The following DACT3 variants were observed in gnomAD, a reference collection of about 807,000 sequenced individuals.
The protein encoded by DACT3 is dishevelled binding antagonist of beta catenin 3.
In DACT3, 5 loss-of-function variants were observed where a neutral mutation model predicts 19.6. The ratio of observed to expected loss-of-function variants is 0.26; its 90% CI spans 0.13 to 0.54. The LOEUF (loss-of-function observed/expected upper bound fraction) is 0.54, where lower values mean the gene tolerates loss of function less well. DACT3 is among the 20% of genes least tolerant of loss of function. The pLI is 0.95. For missense variants in DACT3, 908 were observed against 927.4 expected (o/e 0.98, Z 0.27); for synonymous variants, 454 against 428.1 (o/e 1.06, Z -0.75).
chr19:46,660,277 G>A lies in DACT3; in HGVS notation c.249+539C>T, dbSNP rs1238405493. On this transcript the variant is annotated intron_variant, in intron 1 of 3. Coordinates refer to ENST00000391916, the MANE Select transcript of DACT3 (RefSeq NM_145056.3). This position sits in a 1 kb window ranked among gnomAD's most constrained non-coding sequence, Gnocchi z 4.9. Reference sequence around the variant, plus strand: ...CTCAGCAGTGGTCCCTCCCTCTGGAGGCCCTGAGATTCCCCTCCTCCCACC... The same window carrying A: ...CTCAGCAGTGGTCCCTCCCTCTGGAAGCCCTGAGATTCCCCTCCTCCCACC... The A allele has an allele frequency of 6.5e-6, 1 of 152,800 alleles. No individual in the cohort carries two copies. Among genetic ancestry groups the A allele is most frequent in the Middle Eastern group, 3.3e-3 (1 of 302 alleles). 9.5% of individuals were successfully genotyped at this position (152,800 alleles called of 1,614,324 possible). A position where few individuals can be genotyped will look rare whatever the true frequency, so the allele number is the denominator to read the frequency against.
At chr19:46,654,191 A>AT (rs879752796) in intron 1 of DACT3, 8 of 985,112 alleles carry the variant, frequency 8.1e-6, no homozygotes, top group Non-Finnish European at 9.6e-6. Context: ...GCCATGAGAA[A>AT]TTTCGGGGAG....
Position 46,649,176 on chromosome 19 carries a change from G to A in DACT3, c.1196C>T (p.Ala399Val). The change falls in exon 4 of 4, where the codon GCC becomes GTC. Residue 399 changes from alanine (A) to valine (V), a missense_variant. This residue lies in a region of DACT3 where 656 missense variants were observed against 601.8 expected (regional missense o/e 1.09). Coordinates refer to ENST00000391916, the MANE Select transcript of DACT3 (RefSeq NM_145056.3). ...EQSPPRERPR[A>V]AGRRGRMAEA... ...GGCCATGCGTCCACGGCGGCCGGCG[G>A]CCCGGGGACGCTCCCGGGGTGGTGA... 2 of 1,214,548 alleles carry A rather than the reference G, an allele frequency of 1.6e-6. No individual in the cohort carries two copies. The highest frequency in any genetic ancestry group is 3.3e-5 in the South Asian group (1 of 30,578). The allele number at this position is 1,214,548 out of a possible 1,614,324, so 75.2% of individuals were successfully genotyped here. A position where few individuals can be genotyped will look rare whatever the true frequency, so the allele number is the denominator to read the frequency against.
rs1402179039 is a variant in DACT3, at chr19:46,648,317, G to C, written c.*165C>G. 1.7e-6 allele frequency: 2 copies of C among 1,182,152 alleles called. No homozygotes were observed. The highest frequency in any genetic ancestry group is 2.4e-6 in the Non-Finnish European group (2 of 841,496). 73.2% of individuals were successfully genotyped at this position (1,182,152 alleles called of 1,614,324 possible). A position where few individuals can be genotyped will look rare whatever the true frequency, so the allele number is the denominator to read the frequency against. ...CTCCTCCCCATTCCTCTCGGTGGTGGTGGGGGAGCCTTTTCAACCAAGACT... is the reference window on the plus strand; with the variant it reads ...CTCCTCCCCATTCCTCTCGGTGGTGCTGGGGGAGCCTTTTCAACCAAGACT... On this transcript the variant is annotated 3_prime_UTR_variant, in exon 4 of 4. Coordinates refer to ENST00000391916, the MANE Select transcript of DACT3 (RefSeq NM_145056.3). The surrounding 1 kb of genome is among the most constrained non-coding windows in gnomAD (Gnocchi z 5.1).
chr19:46,661,117 G>A lies in DACT3; in HGVS notation c.-53C>T. On this transcript the variant is annotated 5_prime_UTR_variant, in exon 1 of 4. Transcript: ENST00000391916. ...CGGGCCCCGCGGCCACCCCTCTCCC[G>A]GTCCCACCTCCCCGCCCCAGCAGCC... The A allele has an allele frequency of 1.5e-6, 2 of 1,323,884 alleles. No homozygotes were observed. The highest frequency in any genetic ancestry group is 3.3e-5 in the East Asian group (1 of 30,518). The allele number at this position is 1,323,884 out of a possible 1,614,324, so 82.0% of individuals were successfully genotyped here.
chr19:46,654,294 T>C, intron 1 of DACT3: 1 of 774,742 alleles, frequency 1.3e-6, no homozygotes, highest in Non-Finnish European at 1.6e-6. Flanking sequence ...GGAACCAGCC[T>C]GGCCAATATG....
chr19:46,657,812 G>A (rs1311515366), intron 1 of DACT3, among the ~76,000 whole-genome samples: 2 of 152,068 alleles, frequency 1.3e-5, no homozygotes, highest in African/African-American at 4.8e-5. Flanking sequence ...ACAACTTTGG[G>A]AGACCGAGGC....
intron 1 of DACT3, among the ~76,000 whole-genome samples, chr19:46,656,543 T>C (rs2053035699): frequency 6.6e-6 from 1 of 151,924 alleles, no homozygotes; most frequent in South Asian, 2.1e-4. Flanking sequence ...AGAGACAGGG[T>C]CTCCCTGTGT....
chr19:46,660,711 C>G lies in DACT3; in HGVS notation c.249+105G>C. On this transcript the variant is annotated intron_variant, in intron 1 of 3. Transcript: ENST00000391916. This position sits in a 1 kb window ranked among gnomAD's most constrained non-coding sequence, Gnocchi z 4.9. ...GCCCCACCCCCTGTCCTTTCTCACT[C>G]CCTGCCTACCCGGGTCCCCAACCCC... 1 of 1,399,520 alleles carries G rather than the reference C, an allele frequency of 7.1e-7. No homozygotes were observed. The highest frequency in any genetic ancestry group is 1.6e-5 in the South Asian group (1 of 64,298). The allele number at this position is 1,399,520 out of a possible 1,614,324, so 86.7% of individuals were successfully genotyped here.
At position 46,649,641 on chromosome 19, in the gene DACT3, C is replaced by T. The variant is rs993784779; in HGVS notation, c.731G>A (p.Gly244Asp). ...RPPTDSPDAG[G>D]AGRPLDGYIS... is the part of the protein sequence containing the mutation. Reference sequence around the variant, plus strand: ...GTAGCCGTCCAGGGGCCGCCCTGCGCCCCCCGCGTCGGGCGAGTCGGTGGG... The same window carrying T: ...GTAGCCGTCCAGGGGCCGCCCTGCGTCCCCCGCGTCGGGCGAGTCGGTGGG... The change falls in exon 4 of 4, where the codon GGC (glycine) becomes GAC (aspartate). Residue 244 changes from glycine to aspartate, a missense_variant. Gly to Asp is a moderately conservative substitution (Grantham distance 94). Around this residue, in one of 2 missense-constraint regions of DACT3, gnomAD observed 656 missense variants for 601.8 expected, o/e 1.09. Coordinates refer to ENST00000391916, the MANE Select transcript of DACT3 (RefSeq NM_145056.3). The T allele has an allele frequency of 8.7e-7, 1 of 1,145,170 alleles. No homozygotes were observed. The highest frequency in any genetic ancestry group is 1.1e-6 in the Non-Finnish European group (1 of 934,438). 70.9% of individuals were successfully genotyped at this position (1,145,170 alleles called of 1,614,324 possible).
Position 46,647,761 on chromosome 19 carries a change from A to T in DACT3, c.*721T>A, listed in dbSNP as rs1310345153. On this transcript the variant is annotated 3_prime_UTR_variant, in exon 4 of 4. Transcript: ENST00000391916. The stretch of plus-strand genomic sequence containing the variant: ...TAGATTGGAACAGCTGAGGGTCATC[A>T]GGCTTCCCCCATTCCCTCTCACAGG... 6.6e-6 allele frequency: 1 copy of T among 152,586 alleles called. No homozygotes were observed. The highest frequency in any genetic ancestry group is 6.5e-5 in the Admixed American group (1 of 15,276). The allele number at this position is 152,586 out of a possible 1,614,324, so 9.5% of individuals were successfully genotyped here.
rs1241345092 is a variant in DACT3, at chr19:46,660,128, C to A, written c.249+688G>T. ...AACACCCAGAGTCCAGAAGTCTCCC[C>A]CAGGCGCTGCCTCGACCTGCCTCCC... On this transcript the variant is annotated intron_variant, in intron 1 of 3. Coordinates refer to ENST00000391916, the MANE Select transcript of DACT3 (RefSeq NM_145056.3). The surrounding 1 kb of genome is among the most constrained non-coding windows in gnomAD (Gnocchi z 4.9). Among the ~76,000 whole-genome samples the A allele has an allele frequency of 6.6e-6, 1 of 152,190 alleles. No individual in the cohort carries two copies. Among genetic ancestry groups the A allele is most frequent in the Non-Finnish European group, 1.5e-5 (1 of 68,022 alleles).
chr19:46,659,593 A>C, intron 1 of DACT3: 1 of 258,520 alleles, frequency 3.9e-6, no homozygotes, highest in Non-Finnish European at 6.0e-6. Context: ...GGGGGGTCCC[A>C]CTCCTGAGAG....
At position 46,649,461 on chromosome 19, in the gene DACT3, T is replaced by C. The variant is rs2122438585; in HGVS notation, c.911A>G (p.Glu304Gly). 1 of 1,184,282 alleles carries C rather than the reference T, an allele frequency of 8.4e-7. No individual in the cohort carries two copies. Among genetic ancestry groups the C allele is most frequent in the South Asian group, 3.0e-5 (1 of 33,732 alleles). 73.4% of individuals were successfully genotyped at this position (1,184,282 alleles called of 1,614,324 possible). Residue 304 changes from glutamate to glycine, a missense_variant, in exon 4 of 4, where the codon GAG (glutamate) becomes GGG (glycine). Glu to Gly is a moderately conservative substitution (Grantham distance 98). This residue lies in a region of DACT3 where 656 missense variants were observed against 601.8 expected (regional missense o/e 1.09). Coordinates refer to ENST00000391916, the MANE Select transcript of DACT3 (RefSeq NM_145056.3). ...GCCCCCGACGCGCTCCAACGAGGGCTCCCGCGCGGGTCGCGCGCTGCCGGG... is the reference window on the plus strand; with the variant it reads ...GCCCCCGACGCGCTCCAACGAGGGCCCCCGCGCGGGTCGCGCGCTGCCGGG... Reference protein sequence around the residue: ...PSPGSARPAREPSLERVGGHP... With the variant: ...PSPGSARPARGPSLERVGGHP...
chr19:46,658,311 C>T lies in DACT3; in HGVS notation c.249+2505G>A, dbSNP rs1177796922. ...TTGGGAGGCTGAGGCAGGAGGATTG[C>T]TTGAGGCCAAGTTAGAGGCTGCAGT... On this transcript the variant is annotated intron_variant, in intron 1 of 3. Transcript: ENST00000391916. Among the ~76,000 whole-genome samples the T allele has an allele frequency of 2.0e-5, 3 of 151,954 alleles. No individual in the cohort carries two copies. The East Asian group carries it at 5.8e-4, about 29-fold the overall frequency.
rs930353192 is a variant in DACT3, at chr19:46,648,872, G to A, written c.1500C>T (p.Pro500=). Residue 500 remains proline (P), a synonymous_variant, in exon 4 of 4, where the codon CCC becomes CCT. Coordinates refer to ENST00000391916, the MANE Select transcript of DACT3 (RefSeq NM_145056.3). The surrounding 1 kb of genome is among the most constrained non-coding windows in gnomAD (Gnocchi z 5.1). ...GAGCTGACGGGGACGGGCCGGGGCC[G>A]GGAACACGCGCCGCAGGGGCTCGGG... ...VRPRAPAARV[P]GPGPSPSAPQ... is the part of the protein sequence containing the mutation. 5.7e-6 allele frequency: 8 copies of A among 1,412,862 alleles called. No homozygotes were observed. Among genetic ancestry groups the A allele is most frequent in the African/African-American group, 1.5e-5 (1 of 65,532 alleles). The allele number at this position is 1,412,862 out of a possible 1,614,324, so 87.5% of individuals were successfully genotyped here.
intron 1 of DACT3, chr19:46,654,213 G>C (rs1035606006): frequency 1.0e-6 from 1 of 985,212 alleles, no homozygotes; most frequent in Non-Finnish European, 1.2e-6. Flanking sequence ...CAGGCCGGGC[G>C]CAGTGGCTCA....
intron 1 of DACT3, among the ~76,000 whole-genome samples, chr19:46,653,813 C>G (rs1368692098): frequency 6.6e-6 from 1 of 152,110 alleles, no homozygotes; most frequent in Non-Finnish European, 1.5e-5. Flanking sequence ...CTCAGCCTCC[C>G]AAAGTGCCGG....
At chr19:46,654,823 C>T (rs546011691) in intron 1 of DACT3, 2 of 984,978 alleles carry the variant, frequency 2.0e-6, no homozygotes, top group African/African-American at 3.5e-5. Flanking sequence ...CAGCCACAAC[C>T]CCCCCGCCCC....
chr19:46,649,104 C>T lies in DACT3; in HGVS notation c.1268G>A (p.Arg423His). The T allele has an allele frequency of 7.7e-7, 1 of 1,295,924 alleles. No individual in the cohort carries two copies. Among genetic ancestry groups the T allele is most frequent in the Non-Finnish European group, 9.8e-7 (1 of 1,023,216 alleles). The allele number at this position is 1,295,924 out of a possible 1,614,324, so 80.3% of individuals were successfully genotyped here. ...CAGCAGGCTGGTCTCAGACTGGGAGCGCGAGGCCTTGCGGGCCCTGGGCGA... is the reference window on the plus strand; with the variant it reads ...CAGCAGGCTGGTCTCAGACTGGGAGTGCGAGGCCTTGCGGGCCCTGGGCGA... Reference protein sequence around the residue: ...RGSPRARKASRSQSETSLLGR... With the variant: ...RGSPRARKASHSQSETSLLGR... The change falls in exon 4 of 4, where the codon CGC becomes CAC. Residue 423 changes from arginine to histidine, a missense_variant. Around this residue, in one of 2 missense-constraint regions of DACT3, gnomAD observed 656 missense variants for 601.8 expected, o/e 1.09. Transcript: ENST00000391916.
Sources: gnomAD v4.1 joint callset for allele counts (sites outside exome capture counted in the v4.1 genomes callset) on GRCh38, gnomAD v4.1.1 for gene constraint, gnomAD v4.1.1 regional missense constraint, Gnocchi (gnomAD v3.1) non-coding constraint, MANE v1.5 for transcripts, NCBI Gene and HGNC (gene_info 2026-07-23, HGNC 2026-07-21) for gene names.